Variants in FILIP1 observed in about 807,000 individuals in gnomAD.
FILIP1 encodes the protein filamin-A-interacting protein 1.
A neutral mutation model predicts 102.1 loss-of-function variants in FILIP1; 61 were observed. The ratio of observed to expected loss-of-function variants is 0.60; its 90% CI spans 0.49 to 0.74. The LOEUF is 0.74. Ranked by LOEUF, FILIP1 falls within the 30% of genes least tolerant of loss-of-function variation. The pLI is 0.00. For missense variants in FILIP1, 1,314 were observed against 1,441.2 expected, an observed-to-expected ratio of 0.91 and a Z score of 1.43; for synonymous variants, 491 against 526.9, an observed-to-expected ratio of 0.93 and a Z score of 0.93.
chr6:75,490,294 A>C (rs1297287237), intron 1 of FILIP1, among the ~76,000 whole-genome samples: 1 of 152,130 alleles, frequency 6.6e-6, no homozygotes, highest in Non-Finnish European at 1.5e-5. Context: ...ACCATCTTAA[A>C]ATATAAATAC....
chr6:75,314,906 C>T lies in FILIP1; in HGVS notation c.926G>A (p.Arg309Lys), dbSNP rs780705551. 3.1e-6 allele frequency: 5 copies of T among 1,613,994 alleles called. No individual in the cohort carries two copies. The East Asian group carries it at 6.7e-5, about 22-fold the overall frequency. The change falls in exon 5 of 6, where the codon AGG (arginine) becomes AAG (lysine). Residue 309 changes from arginine to lysine, a missense_variant. Arg to Lys is a conservative substitution (Grantham distance 26). Transcript: ENST00000237172. ...CATCTCTTCATGCTCTTGAGAAAAC[C>T]TCGAAGCCTTGTGTTCAAAGTCCAC... ...LEVDFEHKAS[R>K]FSQEHEEMNA...
At chr6:75,317,144 T>C (rs906707035) in intron 4 of FILIP1, among the ~76,000 whole-genome samples, 2 of 152,236 alleles carry the variant, frequency 1.3e-5, no homozygotes, top group African/African-American at 2.4e-5. Context: ...ACTCTGTCAC[T>C]TTCTAACTGT....
intron 2 of FILIP1, among the ~76,000 whole-genome samples, chr6:75,394,224 C>A (rs943818540): frequency 1.3e-5 from 2 of 152,108 alleles, no homozygotes; most frequent in South Asian, 4.1e-4. Context: ...GTTTTCCTGA[C>A]TAGACCCTGA....
chr6:75,461,690 T>A (rs1157423013), intron 1 of FILIP1, among the ~76,000 whole-genome samples: 1 of 152,212 alleles, frequency 6.6e-6, no homozygotes, highest in African/African-American at 2.4e-5. Context: ...AGACCCATTT[T>A]ATTCTCTCAT....
chr6:75,372,797 G>GGAAAGAAAGAAGGAAAGAAA (rs1562516262), intron 2 of FILIP1, among the ~76,000 whole-genome samples: 2 of 41,476 alleles, frequency 4.8e-5, no homozygotes, highest in African/African-American at 2.4e-4. Flanking sequence ...AAAGAAAGAA[G>GGAAAGAAAGAAGGAAAGAAA]GAAAGAAAGA....
At chr6:75,447,871 C>A (rs1268456975) in intron 1 of FILIP1, among the ~76,000 whole-genome samples, 1 of 151,988 alleles carries the variant, frequency 6.6e-6, no homozygotes, top group Non-Finnish European at 1.5e-5. Context: ...CCTCTTTTCC[C>A]ATTCTTTGAA....
rs1308689184 is a variant in FILIP1 at position 75,445,388 on chromosome 6, C to A, written c.-6-30410G>T. Among the ~76,000 whole-genome samples the A allele has an allele frequency of 2.0e-5, 3 of 152,044 alleles. No homozygotes were observed. In the South Asian group the frequency reaches 6.2e-4, roughly 32 times the overall value. Reference sequence around the variant, plus strand: ...TACTGATCTCTCTTCCCTAAACACACCACCCTTTCTCAAGGCCCCTGGAAC... The same window carrying A: ...TACTGATCTCTCTTCCCTAAACACAACACCCTTTCTCAAGGCCCCTGGAAC... On this transcript the variant is annotated intron_variant, in intron 1 of 5. Transcript: ENST00000237172.
In FILIP1 at chr6:75,423,550, C is replaced by T. The variant is rs551511913; in HGVS notation, c.-6-8572G>A. ...TACAGCTTTCTGAATCCCAGCGATA[C>T]CGTTACATCTGAGACATATGCTTAG... On this transcript the variant is annotated intron_variant, in intron 1 of 5. Coordinates refer to ENST00000237172, the MANE Select transcript of FILIP1 (RefSeq NM_015687.5). 2.6e-5 allele frequency among the ~76,000 whole-genome samples: 4 copies of T among 152,266 alleles called. No individual in the cohort carries two copies. In the South Asian group the frequency reaches 8.3e-4, roughly 32 times the overall value.
chr6:75,310,077 AT>A, intron 5 of FILIP1, among the ~76,000 whole-genome samples: 1 of 152,132 alleles, frequency 6.6e-6, no homozygotes, highest in African/African-American at 2.4e-5. Context: ...TTGCTTCCTT[AT>A]TTTCTGCCCT....
intron 1 of FILIP1, among the ~76,000 whole-genome samples, chr6:75,478,442 C>T (rs1460934927): frequency 1.3e-5 from 2 of 152,194 alleles, no homozygotes; most frequent in Non-Finnish European, 2.9e-5. Context: ...TCACCCCATA[C>T]ACCACTCTGT....
chr6:75,394,775 T>C (rs1340640362), intron 2 of FILIP1, among the ~76,000 whole-genome samples: 1 of 152,132 alleles, frequency 6.6e-6, no homozygotes, highest in African/African-American at 2.4e-5. Flanking sequence ...CAGCACTGAA[T>C]TGGCAAAACA....
intron 2 of FILIP1, among the ~76,000 whole-genome samples, chr6:75,365,858 AT>A (rs1775312127): frequency 6.6e-6 from 1 of 152,210 alleles, no homozygotes; most frequent in Non-Finnish European, 1.5e-5. Context: ...AAGGCAAATA[AT>A]TTCATAGAAA....
intron 2 of FILIP1, among the ~76,000 whole-genome samples, chr6:75,369,787 A>C (rs1356316613): frequency 6.6e-6 from 1 of 152,202 alleles, no homozygotes; most frequent in African/African-American, 2.4e-5. Context: ...ATATTCATAC[A>C]ATTTTAATAT....
In FILIP1 at chr6:75,426,569, A is replaced by G. The variant is rs144813113; in HGVS notation, c.-6-11591T>C. On this transcript the variant is annotated intron_variant, in intron 1 of 5. Transcript: ENST00000237172. ...AGCTTGGAGAGGCAGCTGACATGCT[A>G]ACAGGAGAGTCACCAAGGCAGATGG... Among the ~76,000 whole-genome samples the G allele has an allele frequency of 2.0e-5, 3 of 152,236 alleles. No individual in the cohort carries two copies. In the East Asian group the frequency reaches 5.8e-4, roughly 29 times the overall value.
intron 1 of FILIP1, among the ~76,000 whole-genome samples, chr6:75,469,577 T>C (rs1779272932): frequency 6.6e-6 from 1 of 152,080 alleles, no homozygotes; most frequent in African/African-American, 2.4e-5. Flanking sequence ...CTTTTAAGAA[T>C]GTGCATTAGC....
intron 2 of FILIP1, among the ~76,000 whole-genome samples, chr6:75,393,489 A>G (rs1776353360): frequency 6.6e-6 from 1 of 152,184 alleles, no homozygotes; most frequent in Admixed American, 6.5e-5. Flanking sequence ...GAAAAAGCAT[A>G]ATGAGAAAGG....
At chr6:75,300,134 AC>A (rs1317762942) in intron 6 of FILIP1, among the ~76,000 whole-genome samples, 6 of 152,292 alleles carry the variant, frequency 3.9e-5, no homozygotes, top group South Asian at 2.1e-4. Context: ...TAAAAAAAAA[AC>A]ATTCTTCTCT....
rs1290299535 is a variant in FILIP1, at chr6:75,359,669, CCT to C, written c.450+3073_450+3074del. 2.0e-5 allele frequency among the ~76,000 whole-genome samples: 3 copies of C among 152,152 alleles called. No individual in the cohort carries two copies. In the East Asian group the frequency reaches 5.8e-4, roughly 29 times the overall value. ...TGAAGCTACAACTCAGCTGAGCCTT[CCT>C]CTCTCACAACAGAAAAAGTTGTGGC... On this transcript the variant is annotated intron_variant, in intron 3 of 5. Coordinates refer to ENST00000237172, the MANE Select transcript of FILIP1 (RefSeq NM_015687.5).
At chr6:75,336,775 G>A (rs940643579) in intron 4 of FILIP1, among the ~76,000 whole-genome samples, 3 of 151,988 alleles carry the variant, frequency 2.0e-5, no homozygotes, top group East Asian at 1.9e-4. Context: ...ACCACTAAAC[G>A]ACTACATTCA....
Sources: allele counts gnomAD v4.1 joint callset (sites outside exome capture counted in the v4.1 genomes callset), GRCh38; gene constraint gnomAD v4.1.1; transcripts MANE v1.5; gene names NCBI Gene and HGNC (gene_info 2026-07-23, HGNC 2026-07-21).